The following PHF14 variants were observed in gnomAD, a reference collection of about 807,000 sequenced individuals.
PHF14 encodes PHD finger protein 14.
Under a neutral mutation model 117.9 loss-of-function variants are expected in PHF14, and 55 were observed. The observed-to-expected ratio is 0.47, with a 90% CI of 0.38 to 0.58. PHF14 has a LOEUF of 0.58. Among genes scored for constraint, PHF14 ranks in the 20% least tolerant of loss-of-function variants. The pLI, the probability that PHF14 is intolerant of heterozygous loss-of-function variation, is 0.00. For missense variants in PHF14, 978 were observed against 1,122.2 expected (o/e 0.87, Z 1.84); for synonymous variants, 409 against 368.6 (o/e 1.11, Z -1.26).
chr7:11,047,393 C>T (rs1784705538), intron 13 of PHF14, among the ~76,000 whole-genome samples: 1 of 151,934 alleles, frequency 6.6e-6, no homozygotes, highest in Non-Finnish European at 1.5e-5. Flanking sequence ...CTTGTCTAAG[C>T]ACTATTAAAC....
intron 4 of PHF14, among the ~76,000 whole-genome samples, chr7:11,000,658 C>T (rs1290893997): frequency 1.3e-5 from 2 of 152,046 alleles, no homozygotes; most frequent in Non-Finnish European, 2.9e-5. Context: ...TTTTGTATAT[C>T]TTCTTGGATG....
rs117611768 is a variant in PHF14, at chr7:11,020,541, G to C, written c.1206-2327G>C. Among the ~76,000 whole-genome samples, 8 of 152,054 alleles carry C rather than the reference G, an allele frequency of 5.3e-5. 1 individual carries two copies. The East Asian group carries it at 1.5e-3, about 29-fold the overall frequency. On this transcript the variant is annotated intron_variant, in intron 5 of 17. Coordinates refer to ENST00000634607, the MANE Select transcript of PHF14 (RefSeq NM_001007157.2). The stretch of plus-strand genomic sequence containing the variant: ...CTACAGGGGCATGCCACGACACCTG[G>C]CTAAATTTTGTATTTTTTGTAGCGA...
chr7:11,008,769 C>G (rs1349324532), intron 4 of PHF14, among the ~76,000 whole-genome samples: 1 of 152,078 alleles, frequency 6.6e-6, no homozygotes, highest in Admixed American at 6.6e-5. Flanking sequence ...GGCGCGGTGG[C>G]TCACGCCTGT....
rs767149253 is a variant in PHF14, at chr7:11,169,501, G to A, written c.*11G>A. 4 of 1,374,968 alleles carry A rather than the reference G, an allele frequency of 2.9e-6. No individual in the cohort carries two copies. The highest frequency in any genetic ancestry group is 5.1e-5 in the Admixed American group (2 of 39,132). 85.2% of individuals were successfully genotyped at this position (1,374,968 alleles called of 1,614,324 possible). A position where few individuals can be genotyped will look rare whatever the true frequency, so the allele number is the denominator to read the frequency against. On this transcript the variant is annotated 3_prime_UTR_variant, in exon 18 of 18. Transcript: ENST00000634607. The stretch of plus-strand genomic sequence containing the variant: ...AATCCAAAGAAATAAAAGATTTTCT[G>A]TAGTGTTTTTGAAAAGTTTGCAGCT...
At chr7:10,989,842 G>T (rs2128310016) in intron 3 of PHF14, among the ~76,000 whole-genome samples, 1 of 152,196 alleles carries the variant, frequency 6.6e-6, no homozygotes, top group Non-Finnish European at 1.5e-5. Context: ...TGTTGCCCAG[G>T]CTGGTCTCAA....
At chr7:11,162,742 C>G (rs1781564521) in intron 17 of PHF14, among the ~76,000 whole-genome samples, 1 of 149,862 alleles carries the variant, frequency 6.7e-6, no homozygotes, top group African/African-American at 2.5e-5. Flanking sequence ...GGTCTTGTCG[C>G]CCAGGCTGGA....
intron 17 of PHF14, among the ~76,000 whole-genome samples, chr7:11,135,168 C>T (rs1332549867): frequency 1.3e-5 from 2 of 152,098 alleles, no homozygotes; most frequent in Non-Finnish European, 2.9e-5. Context: ...ATTTAGGTAA[C>T]TGTGTAAACT....
intron 4 of PHF14, chr7:11,006,747 A>T: frequency 1.4e-6 from 1 of 692,676 alleles, no homozygotes; most frequent in South Asian, 1.4e-5. Context: ...GGTGGGTGAC[A>T]TGCGGATCTT....
chr7:11,161,616 A>G (rs546031290), intron 17 of PHF14, among the ~76,000 whole-genome samples: 9 of 150,668 alleles, frequency 6.0e-5, no homozygotes, highest in East Asian at 3.9e-4. Flanking sequence ...GATTTTAGAT[A>G]ACATTTTTAA....
At chr7:11,037,173 T>C in intron 10 of PHF14, 82 bp downstream of exon 10, 1 of 1,279,730 alleles carries the variant, frequency 7.8e-7, no homozygotes, top group Non-Finnish European at 1.1e-6. Context: ...ATTTCTTTTA[T>C]GTTTTGTTTT....
chr7:11,088,215 G>A (rs913278076), intron 16 of PHF14, among the ~76,000 whole-genome samples: 4 of 152,046 alleles, frequency 2.6e-5, no homozygotes, highest in African/African-American at 9.7e-5. Flanking sequence ...CTAATACAAT[G>A]TAAATGCTAT....
chr7:11,111,591 C>A (rs1787448586), intron 17 of PHF14, 124 bp downstream of exon 17: 1 of 547,386 alleles, frequency 1.8e-6, no homozygotes, highest in Non-Finnish European at 3.3e-6. Flanking sequence ...AACCAGTACA[C>A]CTTAAGAATA....
At chr7:11,118,190 C>T (rs996804088) in intron 17 of PHF14, among the ~76,000 whole-genome samples, 8 of 151,824 alleles carry the variant, frequency 5.3e-5, no homozygotes, top group Non-Finnish European at 1.2e-4. Flanking sequence ...AACAAATCTG[C>T]GGTGTTTTGT....
intron 7 of PHF14, among the ~76,000 whole-genome samples, chr7:11,029,488 CT>C (rs956245495): frequency 6.6e-6 from 1 of 151,992 alleles, no homozygotes; most frequent in African/African-American, 2.4e-5. Context: ...ATCCAGCTAC[CT>C]TTTTTTATGT....
intron 5 of PHF14, among the ~76,000 whole-genome samples, chr7:11,017,827 C>T (rs923173138): frequency 3.1e-4 from 47 of 152,094 alleles, no homozygotes; most frequent in African/African-American, 1.1e-3. Context: ...GAGTTTCGCT[C>T]AAGAAATTTT....
intron 16 of PHF14, chr7:11,106,068 C>T (rs1394570369): frequency 2.0e-6 from 2 of 983,850 alleles, no homozygotes; most frequent in Non-Finnish European, 2.4e-6. Flanking sequence ...TCTAATTCTT[C>T]TCTCATGCTG....
intron 16 of PHF14, chr7:11,111,054 A>C: frequency 4.9e-6 from 1 of 205,080 alleles, no homozygotes; most frequent in Non-Finnish European, 9.7e-6. Context: ...TGTTTTGAAC[A>C]CATGATTATA....
At chr7:11,166,681 G>A (rs1789210264) in intron 17 of PHF14, among the ~76,000 whole-genome samples, 1 of 152,118 alleles carries the variant, frequency 6.6e-6, no homozygotes, top group Non-Finnish European at 1.5e-5. Context: ...AGCAATTAGA[G>A]TGGAATGCCT....
At chr7:11,124,470 A>G (rs1180863881) in intron 17 of PHF14, among the ~76,000 whole-genome samples, 2 of 152,166 alleles carry the variant, frequency 1.3e-5, no homozygotes, top group Admixed American at 6.6e-5. Flanking sequence ...ATAAGAAAGT[A>G]TCATACTAAT....
Sources: gnomAD v4.1 joint callset for allele counts (sites outside exome capture counted in the v4.1 genomes callset) on GRCh38, gnomAD v4.1.1 for gene constraint, MANE v1.5 for transcripts, NCBI Gene and HGNC (gene_info 2026-07-23, HGNC 2026-07-21) for gene names.